SARNP: variants seen among roughly 807,000 people sequenced by gnomAD.
SARNP encodes SAP domain-containing ribonucleoprotein.
SARNP carries 5 observed loss-of-function variants against 38.1 expected under a neutral mutation model. The ratio of observed to expected loss-of-function variants is 0.13; its 90% CI spans 0.07 to 0.28. The LOEUF (loss-of-function observed/expected upper bound fraction) is 0.28, where lower values mean the gene tolerates loss of function less well. Ranked by LOEUF, SARNP falls within the 10% of genes least tolerant of loss-of-function variation. The pLI, the probability that SARNP is intolerant of heterozygous loss-of-function variation, is 1.00. For missense variants in SARNP, 180 were observed against 243.9 expected, an observed-to-expected ratio of 0.74 and a Z score of 1.75; for synonymous variants, 84 against 80.6, an observed-to-expected ratio of 1.04 and a Z score of -0.23.
intron 9 of SARNP, among the ~76,000 whole-genome samples, chr12:55,776,183 G>A (rs188708320): frequency 4.6e-5 from 7 of 152,222 alleles, no homozygotes; most frequent in African/African-American, 9.6e-5. Context: ...AGTGGCTTCC[G>A]TCTGCAATCC....
At position 55,817,661 on chromosome 12, in the gene SARNP, G is replaced by A. The variant is rs761385392; in HGVS notation, c.36+5C>T. ...CCAACTCAGCCCTTCCCCGATTCAC[G>A]GTACCTTTAGCTTATGGAGCTCCAC... On this transcript the variant is annotated splice_donor_5th_base_variant and intron_variant, in intron 1 of 10. Transcript: ENST00000336133. 1.6e-5 allele frequency: 25 copies of A among 1,610,630 alleles called. No homozygotes were observed. The highest frequency in any genetic ancestry group is 1.1e-5 in the South Asian group (1 of 90,600).
At chr12:55,817,638 A>C (rs745961397) in intron 1 of SARNP, 28 bp downstream of exon 1, 22 of 1,606,746 alleles carry the variant, frequency 1.4e-5, no homozygotes, top group Non-Finnish European at 1.8e-5. Flanking sequence ...AGAAAAGTCC[A>C]ACTCAGCCCT....
At chr12:55,790,293 A>T (rs565544056) in intron 8 of SARNP, among the ~76,000 whole-genome samples, 3 of 152,350 alleles carry the variant, frequency 2.0e-5, no homozygotes, top group Non-Finnish European at 4.4e-5. Context: ...CCAGTACCAT[A>T]AAACAGTTAC....
At chr12:55,760,947 C>A (rs1317132261) in intron 9 of SARNP, among the ~76,000 whole-genome samples, 1 of 152,038 alleles carries the variant, frequency 6.6e-6, no homozygotes, top group Non-Finnish European at 1.5e-5. Flanking sequence ...GAGGCTGAGG[C>A]GGGTGGATCA....
Position 55,766,630 on chromosome 12 carries a change from G to T in SARNP, c.502-5990C>A, listed in dbSNP as rs75855731. Among the ~76,000 whole-genome samples the T allele has an allele frequency of 3.6e-5, 4 of 111,212 alleles. No individual in the cohort carries two copies. The East Asian group carries it at 9.3e-4, about 26-fold the overall frequency. 73.0% of individuals were successfully genotyped at this position (111,212 alleles called of 152,430 possible). On this transcript the variant is annotated intron_variant, in intron 9 of 10. Coordinates refer to ENST00000336133, the MANE Select transcript of SARNP (RefSeq NM_033082.4). ...GGTTTTTTTGGCGGGGGGGGGGGGG[G>T]GGTTGTTTTTTTGAGACAGTCTCAC...
intron 9 of SARNP, among the ~76,000 whole-genome samples, chr12:55,767,935 G>A (rs1160172549): frequency 6.6e-6 from 1 of 151,292 alleles, no homozygotes; most frequent in Non-Finnish European, 1.5e-5. Flanking sequence ...ATCACCAAAG[G>A]CTGGTAAGAA....
rs775318318 is a variant in SARNP at position 55,773,432 on chromosome 12, T to A, written c.502-12792A>T. Among the ~76,000 whole-genome samples the A allele has an allele frequency of 3.2e-4, 49 of 152,140 alleles. 1 individual carries two copies. Among genetic ancestry groups the A allele is most frequent in the Admixed American group, 9.2e-4 (14 of 15,272 alleles). ...AAAAACTATTTCAGCTGCAGAGATG[T>A]GAGGGGTAAAAAGAGAGATGTGAAG... On this transcript the variant is annotated intron_variant, in intron 9 of 10. Transcript: ENST00000336133.
chr12:55,760,723 C>A, intron 9 of SARNP, 83 bp from the exon 10 acceptor site: 2 of 940,274 alleles, frequency 2.1e-6, no homozygotes, highest in South Asian at 2.7e-5. Context: ...ACTTATTGGT[C>A]ACAAGGTGCT....
chr12:55,791,737 C>T (rs893119425), intron 7 of SARNP, among the ~76,000 whole-genome samples: 4 of 151,886 alleles, frequency 2.6e-5, no homozygotes, highest in Non-Finnish European at 5.9e-5. Flanking sequence ...GAAATTATGG[C>T]TCCTTAAGGC....
In SARNP at chr12:55,803,734, G is replaced by C. The variant is rs914741207; in HGVS notation, c.37-6C>G. 1 of 1,607,034 alleles carries C rather than the reference G, an allele frequency of 6.2e-7. No homozygotes were observed. The highest frequency in any genetic ancestry group is 1.7e-5 in the Admixed American group (1 of 59,602). ...TCTTGCTTTAGTTCGGCAAGCTGAG[G>C]GGAAAAAAATAAAACTTTTCCTTAG... On this transcript the variant is annotated splice_polypyrimidine_tract_variant and splice_region_variant and intron_variant, in intron 1 of 10. Transcript: ENST00000336133.
intron 1 of SARNP, among the ~76,000 whole-genome samples, chr12:55,809,925 G>GA (rs1412691858): frequency 6.6e-6 from 1 of 152,144 alleles, no homozygotes; most frequent in African/African-American, 2.4e-5. Flanking sequence ...AAAAGTGTAG[G>GA]AAAGAAACTT....
chr12:55,799,149 A>G (rs1382059672), intron 4 of SARNP, among the ~76,000 whole-genome samples: 2 of 152,178 alleles, frequency 1.3e-5, no homozygotes, highest in South Asian at 4.1e-4. Flanking sequence ...TGTTCTAAAA[A>G]CCTCAGTAAA....
chr12:55,806,147 C>T (rs904109459), intron 1 of SARNP, among the ~76,000 whole-genome samples: 2 of 152,040 alleles, frequency 1.3e-5, no homozygotes, highest in Admixed American at 6.6e-5. Context: ...GGTTTGAATT[C>T]CAGTTTTACT....
chr12:55,815,735 A>G (rs1880462945), intron 1 of SARNP, among the ~76,000 whole-genome samples: 1 of 152,168 alleles, frequency 6.6e-6, no homozygotes, highest in Non-Finnish European at 1.5e-5. Context: ...AAGTGCTAGG[A>G]TTACAGACGT....
intron 9 of SARNP, among the ~76,000 whole-genome samples, chr12:55,778,234 C>T (rs909637017): frequency 3.3e-5 from 5 of 152,128 alleles, no homozygotes; most frequent in African/African-American, 1.2e-4. Flanking sequence ...GAGACCTCCA[C>T]CTCCACGGTT....
chr12:55,794,346 T>A lies in SARNP; in HGVS notation c.406+13A>T, dbSNP rs756573593. ...AAAAGGTAACTTTCTCAGAAGTATC[T>A]CTGTACTCTTACCTTTTGTTGGAAC... On this transcript the variant is annotated intron_variant, in intron 7 of 10. Coordinates refer to ENST00000336133, the MANE Select transcript of SARNP (RefSeq NM_033082.4). 6.2e-7 allele frequency: 1 copy of A among 1,603,428 alleles called. No homozygotes were observed. Among genetic ancestry groups the A allele is most frequent in the Non-Finnish European group, 8.5e-7 (1 of 1,173,504 alleles).
chr12:55,764,324 G>A (rs1321986243), intron 9 of SARNP, among the ~76,000 whole-genome samples: 1 of 151,980 alleles, frequency 6.6e-6, no homozygotes, highest in Non-Finnish European at 1.5e-5. Flanking sequence ...CTGAGGTCGG[G>A]AGTTCGAGAC....
chr12:55,797,945 CT>C (rs1025659443), intron 4 of SARNP, among the ~76,000 whole-genome samples: 3 of 152,208 alleles, frequency 2.0e-5, no homozygotes, highest in Non-Finnish European at 2.9e-5. Context: ...TTAAAGCCCC[CT>C]GAACAGAATG....
At chr12:55,756,115 A>C, downstream of SARNP, 1 of 152,248 alleles carries the variant, frequency 6.6e-6, no homozygotes, top group East Asian at 1.9e-4. Flanking sequence ...GAGTAGAGAG[A>C]GGAAAAGCTA....
Sources: gnomAD v4.1 joint callset for allele counts (sites outside exome capture counted in the v4.1 genomes callset) on GRCh38, gnomAD v4.1.1 for gene constraint, MANE v1.5 for transcripts, NCBI Gene and HGNC (gene_info 2026-07-23, HGNC 2026-07-21) for gene names.